Variants in TTC17 observed in about 807,000 individuals in gnomAD.
The protein encoded by TTC17 is tetratricopeptide repeat protein 17.
TTC17 carries 58 observed loss-of-function variants against 143.8 expected under a neutral mutation model. The ratio of observed to expected loss-of-function variants is 0.40; its 90% CI spans 0.33 to 0.50. TTC17 has a LOEUF of 0.50. TTC17 is among the 20% of genes least tolerant of loss of function. The probability of loss-of-function intolerance (pLI) is 0.49; values close to 1 mark genes in which losing one functional copy is unlikely to be tolerated. For missense variants in TTC17, 1,273 were observed against 1,392.5 expected, an observed-to-expected ratio of 0.91 and a Z score of 1.37; for synonymous variants, 501 against 497.8, an observed-to-expected ratio of 1.01 and a Z score of -0.09.
chr11:43,484,112 A>G (rs11037448), intron 21 of TTC17, among the ~76,000 whole-genome samples: 7,740 of 152,288 alleles, frequency 0.051, 392 homozygotes, highest in East Asian at 0.28. Context: ...ACTGTACTCC[A>G]GCCTGGGCGA....
In TTC17 at chr11:43,485,245, A is replaced by T. The variant is rs184325991; in HGVS notation, c.3031-4994A>T. 4.6e-3 allele frequency among the ~76,000 whole-genome samples: 704 copies of T among 152,258 alleles called. 1 individual carries two copies. Among genetic ancestry groups the T allele is most frequent in the African/African-American group, 0.016 (678 of 41,546 alleles). ...CTAACATACAGAACTGTGATATATT[A>T]AAAAAGTAATATTGAAAATTGGTGG... On this transcript the variant is annotated intron_variant, in intron 21 of 23. Transcript: ENST00000039989.
chr11:43,437,501 C>T lies in TTC17; in HGVS notation c.2252-5824C>T, dbSNP rs376397210. Among the ~76,000 whole-genome samples, 39 of 152,200 alleles carry T rather than the reference C, an allele frequency of 2.6e-4. No individual in the cohort carries two copies. In the East Asian group the frequency reaches 3.5e-3, roughly 14 times the overall value. Reference sequence around the variant, plus strand: ...AACCACTGTTAACTAACTTTTTGTGCGTCCAAAGAGTTGTTTCTAAAATGT... The same window carrying T: ...AACCACTGTTAACTAACTTTTTGTGTGTCCAAAGAGTTGTTTCTAAAATGT... On this transcript the variant is annotated intron_variant, in intron 16 of 23. Coordinates refer to ENST00000039989, the MANE Select transcript of TTC17 (RefSeq NM_018259.6).
At chr11:43,433,219 T>C (rs1349246149) in intron 16 of TTC17, among the ~76,000 whole-genome samples, 1 of 152,200 alleles carries the variant, frequency 6.6e-6, no homozygotes, top group African/African-American at 2.4e-5. Flanking sequence ...CAGGATGGTC[T>C]CGATCTCTTG....
In TTC17 at chr11:43,398,174, T is replaced by G; in HGVS notation, c.1058+61T>G. The G allele has an allele frequency of 8.8e-6, 14 of 1,588,122 alleles. No individual in the cohort carries two copies. The Middle Eastern group carries it at 1.5e-3, about 171-fold the overall frequency. ...ACTATCGAACCTTAGGTTAAATCTG[T>G]GTAGGGGATATCAGTGTTAATTTGG... On this transcript the variant is annotated intron_variant, in intron 8 of 23. Transcript: ENST00000039989.
At position 43,450,237 on chromosome 11, in the gene TTC17, C is replaced by G; in HGVS notation, c.2942C>G (p.Thr981Arg). The change falls in exon 20 of 24, where the codon ACA (threonine) becomes AGA (arginine). Residue 981 changes from threonine to arginine, a missense_variant. Physicochemically the swap from Thr to Arg is moderately conservative, Grantham distance 71. This residue lies in a region of TTC17 where 878 missense variants were observed against 899.8 expected (regional missense o/e 0.98). Transcript: ENST00000039989. ...CACTACACAGGGGAGAGTCAGTTAA[C>G]AGAGGTGAGTGCTCGGCTTTGTTCA... is the stretch of plus-strand genomic sequence containing the variant. ...SLHYTGESQL[T>R]EVLQNLGKDQ... 2 of 1,613,194 alleles carry G rather than the reference C, an allele frequency of 1.2e-6. No homozygotes were observed. The highest frequency in any genetic ancestry group is 8.5e-7 in the Non-Finnish European group (1 of 1,179,566).
chr11:43,441,408 T>TA (rs757958476), intron 16 of TTC17, among the ~76,000 whole-genome samples: 3 of 151,518 alleles, frequency 2.0e-5, no homozygotes, highest in African/African-American at 4.8e-5. Context: ...TTTTTCCCTC[T>TA]AAAAAAAAAT....
chr11:43,374,750 A>C (rs1856699182), intron 1 of TTC17, among the ~76,000 whole-genome samples: 1 of 84,102 alleles, frequency 1.2e-5, no homozygotes. Context: ...TAAAAAGACC[A>C]AAAAAAAAAA....
chr11:43,446,201 T>G, intron 18 of TTC17: 12 of 1,286,138 alleles, frequency 9.3e-6, no homozygotes, highest in Non-Finnish European at 1.2e-5. Flanking sequence ...TGCTATTCCC[T>G]CTGCCTGGAA....
rs1332888772 is a variant in TTC17, at chr11:43,398,055, A to G, written c.1000A>G (p.Arg334Gly). 1 of 1,613,894 alleles carries G rather than the reference A, an allele frequency of 6.2e-7. No homozygotes were observed. The highest frequency in any genetic ancestry group is 2.2e-5 in the East Asian group (1 of 44,866). The change falls in exon 8 of 24, where the codon AGG (arginine) becomes GGG (glycine). Residue 334 changes from arginine (R) to glycine (G), a missense_variant. Coordinates refer to ENST00000039989, the MANE Select transcript of TTC17 (RefSeq NM_018259.6). ...ACCTGGGTTTGAGCAAGCTATAAAG[A>G]GGAAGCATGCTGTCCTATGTCAGCA... is the stretch of plus-strand genomic sequence containing the variant. The part of the protein sequence containing the change: ...ARPGFEQAIK[R>G]KHAVLCQQKL...
rs371854245 is a variant in TTC17 at position 43,360,368 on chromosome 11, T to C, written c.159+1255T>C. On this transcript the variant is annotated intron_variant, in intron 1 of 23. Transcript: ENST00000039989. ...TTGCCATACTATCTGAGACTTTAAA[T>C]ATATGTGTATGTGTTTCAGAAACCC... Among the ~76,000 whole-genome samples the C allele has an allele frequency of 4.6e-5, 7 of 152,350 alleles. No homozygotes were observed. The East Asian group carries it at 9.6e-4, about 21-fold the overall frequency.
chr11:43,487,900 CCTT>C (rs1308694570), intron 21 of TTC17, among the ~76,000 whole-genome samples: 6 of 152,300 alleles, frequency 3.9e-5, no homozygotes, highest in African/African-American at 7.2e-5. Context: ...GTGTGTCTGT[CCTT>C]CTTCTAGCTC....
At chr11:43,403,284 A>T (rs1336784127) in intron 10 of TTC17, among the ~76,000 whole-genome samples, 1 of 152,216 alleles carries the variant, frequency 6.6e-6, no homozygotes, top group Non-Finnish European at 1.5e-5. Context: ...ACCACTATAT[A>T]GTGAAAGAAT....
At chr11:43,422,783 G>A (rs1279362352) in intron 16 of TTC17, among the ~76,000 whole-genome samples, 2 of 152,104 alleles carry the variant, frequency 1.3e-5, no homozygotes, top group African/African-American at 2.4e-5. Flanking sequence ...GTGTGAAATC[G>A]GTTTTGAAAG....
intron 16 of TTC17, among the ~76,000 whole-genome samples, chr11:43,437,497 T>G (rs1947319122): frequency 6.6e-6 from 1 of 152,234 alleles, no homozygotes; most frequent in Admixed American, 6.5e-5. Context: ...ACTAACTTTT[T>G]GTGCGTCCAA....
In TTC17 at chr11:43,414,666, A is replaced by C; in HGVS notation, c.2141A>C (p.Gln714Pro). 1 of 1,613,770 alleles carries C rather than the reference A, an allele frequency of 6.2e-7. No individual in the cohort carries two copies. Among genetic ancestry groups the C allele is most frequent in the Non-Finnish European group, 8.5e-7 (1 of 1,179,766 alleles). Residue 714 changes from glutamine (Q) to proline (P), a missense_variant, in exon 16 of 24, where the codon CAG becomes CCG. Coordinates refer to ENST00000039989, the MANE Select transcript of TTC17 (RefSeq NM_018259.6). ...AGTGGGGCACTTGAGGCCTTTAGAC[A>C]GGCCTTGAAATTAACCACCAAATGT... ...NISGALEAFR[Q>P]ALKLTTKCPE...
Position 43,405,961 on chromosome 11 carries a change from A to G in TTC17, c.1761+10A>G, listed in dbSNP as rs1366320583. On this transcript the variant is annotated intron_variant, in intron 13 of 23. Transcript: ENST00000039989. The stretch of plus-strand genomic sequence containing the variant: ...TGACCATGCACGAAAAGTAAGGCTC[A>G]CTTAGGCTGGTATTTATTGCCGTCC... 6 of 1,610,248 alleles carry G rather than the reference A, an allele frequency of 3.7e-6. No homozygotes were observed. The highest frequency in any genetic ancestry group is 1.3e-5 in the African/African-American group (1 of 74,636).
chr11:43,445,188 T>C (rs1270462039), intron 18 of TTC17, among the ~76,000 whole-genome samples: 5 of 152,232 alleles, frequency 3.3e-5, no homozygotes, highest in African/African-American at 1.2e-4. Flanking sequence ...TTAATCATTA[T>C]GCTATATTTC....
chr11:43,420,876 G>T (rs942381042), intron 16 of TTC17, among the ~76,000 whole-genome samples: 1 of 152,128 alleles, frequency 6.6e-6, no homozygotes, highest in Non-Finnish European at 1.5e-5. Flanking sequence ...TGTTAGCCTT[G>T]CCAAATAATA....
chr11:43,443,351 T>C lies in TTC17; in HGVS notation c.2278T>C (p.Ser760Pro). The change falls in exon 17 of 24, where the codon TCT becomes CCT. Residue 760 changes from serine to proline, a missense_variant. This residue lies in a region of TTC17 where 878 missense variants were observed against 899.8 expected (regional missense o/e 0.98). Transcript: ENST00000039989. ...SGTVVEESNG[S>P]DEMENSDETK... Reference sequence around the variant, plus strand: ...TACGGTGGTTGAGGAGAGCAATGGTTCTGATGAGATGGAGAATTCAGATGA... The same window carrying C: ...TACGGTGGTTGAGGAGAGCAATGGTCCTGATGAGATGGAGAATTCAGATGA... 1.2e-6 allele frequency: 2 copies of C among 1,614,064 alleles called. No homozygotes were observed. Among genetic ancestry groups the C allele is most frequent in the Non-Finnish European group, 1.7e-6 (2 of 1,179,974 alleles).
Sources: gnomAD v4.1 joint callset for allele counts (sites outside exome capture counted in the v4.1 genomes callset) on GRCh38, gnomAD v4.1.1 for gene constraint, gnomAD v4.1.1 regional missense constraint, MANE v1.5 for transcripts, NCBI Gene and HGNC (gene_info 2026-07-23, HGNC 2026-07-21) for gene names.